Variants in EMSY observed in about 807,000 individuals in gnomAD.
EMSY encodes the protein EMSY transcriptional repressor, BRCA2 interacting.
Under a neutral mutation model 134.6 loss-of-function variants are expected in EMSY, and 26 were observed. The ratio of observed to expected loss-of-function variants is 0.19; its 90% confidence interval spans 0.14 to 0.27. EMSY has a LOEUF of 0.27. Among genes scored for constraint, EMSY ranks in the 10% least tolerant of loss-of-function variants. The pLI is 1.00. For synonymous variants in EMSY, 579 were observed against 577.8 expected (o/e 1.00, Z -0.03); for missense variants, 1,305 against 1,611.4 (o/e 0.81, Z 3.26).
In EMSY at chr11:76,523,141, C is replaced by T. The variant is rs11600501; in HGVS notation, c.1685-14C>T. 64,266 of 1,599,846 alleles carry T rather than the reference C, an allele frequency of 0.04. 1,436 individuals are homozygous for T. The highest frequency in any genetic ancestry group is 0.045 in the Non-Finnish European group (52,389 of 1,175,446). On this transcript the variant is annotated splice_polypyrimidine_tract_variant and intron_variant, in intron 11 of 20. Transcript: ENST00000334736. ...TCCTTAACTCAGGCCTCCTTTTCTT[C>T]CCCCTTTTCTAAGGAACGACTACCA...
intron 8 of EMSY, among the ~76,000 whole-genome samples, chr11:76,484,269 A>T (rs961291278): frequency 3.3e-5 from 5 of 152,286 alleles, no homozygotes; most frequent in Admixed American, 6.5e-5. Context: ...AGGGAAATTT[A>T]TAGCACTAAA....
At chr11:76,491,959 A>G (rs912398967) in intron 8 of EMSY, among the ~76,000 whole-genome samples, 7 of 152,174 alleles carry the variant, frequency 4.6e-5, no homozygotes, top group African/African-American at 1.7e-4. Flanking sequence ...TTAACACGAA[A>G]CATTTATTAG....
chr11:76,496,420 T>C, exon 9 of EMSY: 1 of 1,614,140 alleles, frequency 6.2e-7, no homozygotes, highest in Non-Finnish European at 8.5e-7. Context: ...CTCAGCAGTC[T>C]CCTTTGCCAC....
At chr11:76,473,253 T>C (rs564102579) in intron 8 of EMSY, among the ~76,000 whole-genome samples, 1 of 152,104 alleles carries the variant, frequency 6.6e-6, no homozygotes, top group Admixed American at 6.5e-5. Flanking sequence ...AGGAAGAAGA[T>C]GGTTTCAAGG....
chr11:76,522,502 G>A (rs1041842932), intron 11 of EMSY, among the ~76,000 whole-genome samples: 1 of 151,330 alleles, frequency 6.6e-6, no homozygotes, highest in Non-Finnish European at 1.5e-5. Context: ...CAAGTAGCTG[G>A]GATTACAGGC....
intron 17 of EMSY, among the ~76,000 whole-genome samples, chr11:76,541,390 T>C: frequency 6.6e-6 from 1 of 152,198 alleles, no homozygotes; most frequent in African/African-American, 2.4e-5. Flanking sequence ...ATAGAACAGA[T>C]TTTTCTATTA....
At chr11:76,467,892 T>C (rs1345366266) in intron 7 of EMSY, among the ~76,000 whole-genome samples, 1 of 150,952 alleles carries the variant, frequency 6.6e-6, no homozygotes, top group Non-Finnish European at 1.5e-5. Context: ...GGCAGGAGAA[T>C]CGCTTGAACC....
At chr11:76,485,667 A>T (rs1441054661) in intron 8 of EMSY, among the ~76,000 whole-genome samples, 1 of 152,228 alleles carries the variant, frequency 6.6e-6, no homozygotes, top group African/African-American at 2.4e-5. Flanking sequence ...CACCACTCCT[A>T]TTCAACATAG....
At chr11:76,455,419 C>T (rs573670157) in intron 4 of EMSY, among the ~76,000 whole-genome samples, 89 of 152,156 alleles carry the variant, frequency 5.8e-4, no homozygotes, top group African/African-American at 2.0e-3. Context: ...TTTCCATCTC[C>T]TCTGCCCTCT....
intron 7 of EMSY, among the ~76,000 whole-genome samples, chr11:76,467,819 G>A (rs1005686918): frequency 6.6e-5 from 10 of 151,724 alleles, no homozygotes; most frequent in South Asian, 4.2e-4. Flanking sequence ...ATGGAGAAAC[G>A]CTGTCCCTAC....
At chr11:76,490,583 TC>T (rs1949377752) in intron 8 of EMSY, among the ~76,000 whole-genome samples, 1 of 152,214 alleles carries the variant, frequency 6.6e-6, no homozygotes, top group Non-Finnish European at 1.5e-5. Flanking sequence ...CTCTCTCCCT[TC>T]CTTGTGCTAT....
At chr11:76,503,867 T>G (rs893917392) in intron 9 of EMSY, among the ~76,000 whole-genome samples, 2 of 152,026 alleles carry the variant, frequency 1.3e-5, no homozygotes, top group African/African-American at 4.8e-5. Flanking sequence ...TCACTGCAAC[T>G]TACGCCTCCT....
chr11:76,539,190 T>A (rs745622625), intron 16 of EMSY, among the ~76,000 whole-genome samples: 2 of 152,200 alleles, frequency 1.3e-5, no homozygotes, highest in Non-Finnish European at 2.9e-5. Flanking sequence ...CTTTGAAATT[T>A]GAAATAGTTC....
chr11:76,541,920 G>A (rs2136681771), intron 17 of EMSY: 3 of 581,978 alleles, frequency 5.2e-6, no homozygotes, highest in East Asian at 2.8e-5. Context: ...TAAGGGGTTT[G>A]TTCCTCCTTT....
intron 7 of EMSY, 49 bp from the exon 9 acceptor site, chr11:76,472,515 A>T: frequency 2.0e-6 from 3 of 1,518,214 alleles, no homozygotes; most frequent in Non-Finnish European, 2.7e-6. Flanking sequence ...GTCTAGATAC[A>T]TTAGTAGTTT....
At chr11:76,469,199 A>G (rs1191108713) in intron 7 of EMSY, among the ~76,000 whole-genome samples, 1 of 152,146 alleles carries the variant, frequency 6.6e-6, no homozygotes, top group Non-Finnish European at 1.5e-5. Context: ...TGAAATTGCA[A>G]ATATTTGGTA....
At chr11:76,544,261 A>G (rs1363235120) in exon 19 of EMSY, 2 of 1,608,490 alleles carry the variant, frequency 1.2e-6, no homozygotes, top group Admixed American at 3.4e-5. Context: ...TTACTTAGGC[A>G]TTAAGCAGTC....
At chr11:76,473,944 G>A (rs1481076041) in intron 8 of EMSY, among the ~76,000 whole-genome samples, 3 of 151,484 alleles carry the variant, frequency 2.0e-5, no homozygotes, top group Admixed American at 2.0e-4. Context: ...TTCAAGACCA[G>A]CCTGGTGAAC....
In EMSY at chr11:76,539,603, C is replaced by T. The variant is rs1718539532; in HGVS notation, c.2520C>T (p.Arg840=). Residue 840 remains arginine, a synonymous_variant, in exon 17 of 21, where the codon CGC becomes CGT. Coordinates refer to ENST00000334736, the Ensembl canonical transcript of EMSY. ...TTCCCTTACTTATCCTTTCAGAACGCACTGATGAGGGGACAGAGGTTGCTT... is the reference window on the plus strand; with the variant it reads ...TTCCCTTACTTATCCTTTCAGAACGTACTGATGAGGGGACAGAGGTTGCTT... 1.9e-6 allele frequency: 3 copies of T among 1,613,828 alleles called. No individual in the cohort carries two copies. In the South Asian group the frequency reaches 3.3e-5, roughly 18 times the overall value.
Sources: allele counts gnomAD v4.1 joint callset (sites outside exome capture counted in the v4.1 genomes callset), GRCh38; gene constraint gnomAD v4.1.1; transcripts MANE v1.5; gene names NCBI Gene and HGNC (gene_info 2026-07-23, HGNC 2026-07-21).